TUBGCP2: variants seen among roughly 807,000 people sequenced by gnomAD.
The protein encoded by TUBGCP2 is gamma-tubulin complex component 2.
Under a neutral mutation model 92.2 loss-of-function variants are expected in TUBGCP2, and 55 were observed. That is an observed-to-expected ratio of 0.60 (90% confidence interval 0.48 to 0.75). TUBGCP2 has a LOEUF of 0.75. Among genes scored for constraint, TUBGCP2 ranks in the 30% least tolerant of loss-of-function variants. The pLI is 0.00. For synonymous variants in TUBGCP2, 533 were observed against 505.2 expected, an observed-to-expected ratio of 1.06 and a Z score of -0.74; for missense variants, 1,093 against 1,188.9, an observed-to-expected ratio of 0.92 and a Z score of 1.19.
rs1564932499 is a variant in TUBGCP2 at position 133,279,772 on chromosome 10, T to C, written c.2703A>G (p.Ala901=). The C allele has an allele frequency of 6.4e-7, 1 of 1,557,804 alleles. No individual in the cohort carries two copies. Among genetic ancestry groups the C allele is most frequent in the Non-Finnish European group, 8.7e-7 (1 of 1,151,086 alleles). ...TTCCTGTCACAGCCAGGGCTCACTG[T>C]GCGGTGACTGCGACCCTGGGTGCAG... The part of the protein sequence containing the change: ...PAPAPRVAVT[A]Q Residue 901 remains alanine, a synonymous_variant, in exon 18 of 18, where the codon GCA becomes GCG. Transcript: ENST00000252936.
chr10:133,303,761 G>C (rs936172700), intron 1 of TUBGCP2, among the ~76,000 whole-genome samples: 1 of 152,238 alleles, frequency 6.6e-6, no homozygotes, highest in Non-Finnish European at 1.5e-5. Context: ...TACCGACAGA[G>C]ACGCTTCTGG....
At chr10:133,290,246 G>A (rs956099958) in intron 8 of TUBGCP2, 22 of 371,786 alleles carry the variant, frequency 5.9e-5, no homozygotes, top group Admixed American at 4.5e-4. Flanking sequence ...TGTAACCCCA[G>A]CACTTTGGGA....
upstream of TUBGCP2, chr10:133,309,535 G>C: frequency 6.6e-7 from 1 of 1,525,492 alleles, no homozygotes. Flanking sequence ...GGTCCCTGGG[G>C]CTGTGCTGCC....
At chr10:133,293,831 GCCCTC>G in intron 5 of TUBGCP2, 62 bp from the exon 6 acceptor site, 3 of 1,454,644 alleles carry the variant, frequency 2.1e-6, no homozygotes, top group Non-Finnish European at 2.8e-6. Flanking sequence ...ACAGCCACGT[GCCCTC>G]ATCTGCGGGT....
rs148388653 is a variant in TUBGCP2 at position 133,289,849 on chromosome 10, T to C, written c.1335A>G (p.Lys445=). The C allele has an allele frequency of 2.0e-3, 1,793 of 904,232 alleles. 1 individual carries two copies. The highest frequency in any genetic ancestry group is 2.5e-3 in the Non-Finnish European group (1,707 of 689,048). 56.0% of individuals were successfully genotyped at this position (904,232 alleles called of 1,614,324 possible). A position where few individuals can be genotyped will look rare whatever the true frequency, so the allele number is the denominator to read the frequency against. Residue 445 remains lysine, a synonymous_variant, in exon 9 of 18, where the codon AAA becomes AAG. Coordinates refer to ENST00000252936, the MANE Select transcript of TUBGCP2 (RefSeq NM_006659.4). The stretch of plus-strand genomic sequence containing the variant: ...CTGTGCTGAGGATCTTGTCCGCCAT[T>C]TTCTGCAGGAAGGACGGGATCTGCT... ...VQQQIPSFLQ[K]MADKILSTGK... is the part of the protein sequence containing the mutation.
At chr10:133,298,203 C>A in intron 4 of TUBGCP2, 92 bp from the exon 5 acceptor site, 2 of 1,366,812 alleles carry the variant, frequency 1.5e-6, no homozygotes, top group Non-Finnish European at 1.0e-6. Context: ...GCATCTACGG[C>A]AAAGATGATT....
intron 5 of TUBGCP2, among the ~76,000 whole-genome samples, chr10:133,296,687 G>C (rs914062652): frequency 8.5e-5 from 13 of 152,090 alleles, no homozygotes; most frequent in African/African-American, 2.9e-4. Flanking sequence ...CTGTCGCCCA[G>C]GCTGGTCTCG....
In TUBGCP2 at chr10:133,288,170, T is replaced by A; in HGVS notation, c.1681A>T (p.Met561Leu). The A allele has an allele frequency of 6.2e-7, 1 of 1,613,858 alleles. No homozygotes were observed. Among genetic ancestry groups the A allele is most frequent in the Non-Finnish European group, 8.5e-7 (1 of 1,179,922 alleles). Residue 561 changes from methionine to leucine, a missense_variant, in exon 11 of 18, where the codon ATG (methionine) becomes TTG (leucine). By Grantham distance (15) the Met-to-Leu change is conservative. Coordinates refer to ENST00000252936, the MANE Select transcript of TUBGCP2 (RefSeq NM_006659.4). ...LEALLELALR[M>L]STANTDPFKD... ...AAGGGGTCAGTGTTGGCCGTGCTCA[T>A]GCGCAGCGCCAGCTCCAGGAGCGCT...
At position 133,293,776 on chromosome 10, in the gene TUBGCP2, G is replaced by A; in HGVS notation, c.617-7C>T. ...GAGGCCAGGGGCAACGTGCCTGCGG[G>A]CACAGACAGCGCTGTGGCTCTGCAG... On this transcript the variant is annotated splice_polypyrimidine_tract_variant and splice_region_variant and intron_variant, in intron 5 of 17. Coordinates refer to ENST00000252936, the MANE Select transcript of TUBGCP2 (RefSeq NM_006659.4). The A allele has an allele frequency of 1.9e-6, 3 of 1,574,074 alleles. No homozygotes were observed. The highest frequency in any genetic ancestry group is 2.6e-6 in the Non-Finnish European group (3 of 1,160,808).
chr10:133,292,170 T>C (rs371691180), intron 8 of TUBGCP2, among the ~76,000 whole-genome samples: 35 of 2,244 alleles, frequency 0.016, 2 homozygotes, highest in South Asian at 0.056. Flanking sequence ...GAGGGCAGCA[T>C]GCACACTCCG....
At chr10:133,305,313 G>GT (rs1273920580) in intron 1 of TUBGCP2, among the ~76,000 whole-genome samples, 1 of 152,218 alleles carries the variant, frequency 6.6e-6, no homozygotes, top group East Asian at 1.9e-4. Flanking sequence ...CCTCGGCTAC[G>GT]TAACAGGGAA....
intron 1 of TUBGCP2, among the ~76,000 whole-genome samples, chr10:133,305,863 G>A (rs1427527453): frequency 6.6e-6 from 1 of 152,236 alleles, no homozygotes; most frequent in Non-Finnish European, 1.5e-5. Context: ...GGCCAGCAGG[G>A]CACGCGCCAT....
chr10:133,281,414 G>C lies in TUBGCP2; in HGVS notation c.2432C>G (p.Thr811Ser). Residue 811 changes from threonine (T) to serine (S), a missense_variant, in exon 17 of 18, where the codon ACT becomes AGT. Coordinates refer to ENST00000252936, the MANE Select transcript of TUBGCP2 (RefSeq NM_006659.4). Reference protein sequence around the residue: ...ARKHLAEHADTVQLVSGFEAT... With the variant: ...ARKHLAEHADSVQLVSGFEAT... ...CTCGAAGCCGGACACCAGCTGCACAGTGTCTGCGTGCTCAGCCAGGTGCTG... is the reference window on the plus strand; with the variant it reads ...CTCGAAGCCGGACACCAGCTGCACACTGTCTGCGTGCTCAGCCAGGTGCTG... The C allele has an allele frequency of 6.2e-7, 1 of 1,613,316 alleles. No individual in the cohort carries two copies. The highest frequency in any genetic ancestry group is 2.2e-5 in the East Asian group (1 of 44,878).
intron 7 of TUBGCP2, 89 bp from the exon 8 acceptor site, chr10:133,292,777 C>T (rs1847390125): frequency 1.4e-6 from 2 of 1,445,664 alleles, no homozygotes; most frequent in Non-Finnish European, 9.3e-7. Context: ...CATGCTTCTC[C>T]AACCTTCTTC....
Position 133,279,642 on chromosome 10 carries a change from A to G in TUBGCP2, c.*124T>C, listed in dbSNP as rs1846914157. 1 of 1,349,126 alleles carries G rather than the reference A, an allele frequency of 7.4e-7. No homozygotes were observed. Among genetic ancestry groups the G allele is most frequent in the East Asian group, 3.0e-5 (1 of 33,566 alleles). 83.6% of individuals were successfully genotyped at this position (1,349,126 alleles called of 1,614,324 possible). ...CTTGAGAAACAAAGTGAGCTGAGTCAATCATTCCTGCTTTATATTTAAACT... is the reference window on the plus strand; with the variant it reads ...CTTGAGAAACAAAGTGAGCTGAGTCGATCATTCCTGCTTTATATTTAAACT... On this transcript the variant is annotated 3_prime_UTR_variant, in exon 18 of 18. Transcript: ENST00000252936.
intron 2 of TUBGCP2, chr10:133,302,446 C>T (rs1315547980): frequency 3.7e-5 from 11 of 296,630 alleles, no homozygotes; most frequent in African/African-American, 2.0e-4. Context: ...CCAGAGGTGG[C>T]GCTCACCCTG....
upstream of TUBGCP2, chr10:133,312,301 C>T: frequency 3.3e-6 from 4 of 1,216,822 alleles, no homozygotes; most frequent in South Asian, 2.2e-5. Context: ...TCTAGCGTCA[C>T]CTGTGCCGTC....
Position 133,285,903 on chromosome 10 carries a change from A to C in TUBGCP2, c.1723-275T>G, listed in dbSNP as rs1847124470. ...TGGGTGGTATAAGGGAAAAACCGCT[A>C]AGGACGGTGAAAGAAACGTGATTCC... is the stretch of plus-strand genomic sequence containing the variant. On this transcript the variant is annotated intron_variant, in intron 11 of 17. Transcript: ENST00000252936. This position sits in a 1 kb window ranked among gnomAD's most constrained non-coding sequence, Gnocchi z 6.8. 6.6e-6 allele frequency among the ~76,000 whole-genome samples: 1 copy of C among 152,178 alleles called. No homozygotes were observed. Among genetic ancestry groups the C allele is most frequent in the South Asian group, 2.1e-4 (1 of 4,834 alleles).
At chr10:133,307,436 T>C (rs903823640) in intron 1 of TUBGCP2, among the ~76,000 whole-genome samples, 1 of 152,250 alleles carries the variant, frequency 6.6e-6, no homozygotes, top group Non-Finnish European at 1.5e-5. Flanking sequence ...CAAAGCTAAC[T>C]GTACAAATTG....
Sources: allele counts gnomAD v4.1 joint callset (sites outside exome capture counted in the v4.1 genomes callset), GRCh38; gene constraint gnomAD v4.1.1; non-coding constraint Gnocchi (gnomAD v3.1); transcripts MANE v1.5; gene names NCBI Gene and HGNC (gene_info 2026-07-23, HGNC 2026-07-21).